Variants in TM9SF4 observed in about 807,000 individuals in gnomAD.
The protein encoded by TM9SF4 is dinucleotide oxidase disulfide thiol exchanger 3 superfamily member 4.
Under a neutral mutation model 90.4 loss-of-function variants are expected in TM9SF4, and 26 were observed. The observed-to-expected ratio is 0.29, with a 90% CI of 0.21 to 0.40. The LOEUF (loss-of-function observed/expected upper bound fraction) is 0.40. TM9SF4 is among the 10% of genes least tolerant of loss of function. The probability of loss-of-function intolerance (pLI) is 1.00; values close to 1 mark genes in which losing one functional copy is unlikely to be tolerated. For synonymous variants in TM9SF4, 293 were observed against 315.4 expected (o/e 0.93, Z 0.75); for missense variants, 549 against 834.8 (o/e 0.66, Z 4.22).
At chr20:32,152,599 T>A (rs1173588435) in intron 12 of TM9SF4, among the ~76,000 whole-genome samples, 1 of 152,134 alleles carries the variant, frequency 6.6e-6, no homozygotes, top group East Asian at 1.9e-4. Context: ...CCTACAAGAT[T>A]CTGACCCTTC....
At chr20:32,120,670 T>C (rs947806501) in intron 1 of TM9SF4, among the ~76,000 whole-genome samples, 2 of 152,218 alleles carry the variant, frequency 1.3e-5, no homozygotes, top group Admixed American at 6.5e-5. Context: ...CAGTGACTTA[T>C]AGTATAGTGT....
intron 1 of TM9SF4, among the ~76,000 whole-genome samples, chr20:32,111,429 T>C (rs963076437): frequency 3.9e-5 from 6 of 152,208 alleles, no homozygotes; most frequent in Non-Finnish European, 7.3e-5. Context: ...TAGCAATACA[T>C]ATATGTGGTA....
intron 17 of TM9SF4, among the ~76,000 whole-genome samples, chr20:32,163,054 T>C (rs2047040132): frequency 1.3e-5 from 2 of 151,818 alleles, no homozygotes; most frequent in Non-Finnish European, 2.9e-5. Flanking sequence ...GAGTCCATCC[T>C]GGCCAACATG....
intron 1 of TM9SF4, chr20:32,110,008 G>T (rs551970724): frequency 2.1e-6 from 3 of 1,402,780 alleles, no homozygotes; most frequent in African/African-American, 2.9e-5. Context: ...TGCCTTCGCC[G>T]GTTCCCATTC....
intron 14 of TM9SF4, 149 bp downstream of exon 14, chr20:32,158,118 GT>G (rs1034723224): frequency 6.9e-6 from 8 of 1,164,216 alleles, no homozygotes; most frequent in African/African-American, 1.6e-5. Context: ...CAAGATCAAG[GT>G]GACCAGGTTG....
At chr20:32,163,268 A>AAAAATATATATAT (rs1555886757) in intron 17 of TM9SF4, among the ~76,000 whole-genome samples, 9 of 74,454 alleles carry the variant, frequency 1.2e-4, no homozygotes, top group African/African-American at 4.7e-4. Flanking sequence ...AAAAAAAAAA[A>AAAAATATATATAT]ATATATATAT....
At chr20:32,116,727 G>GTCAT (rs1313494430) in intron 1 of TM9SF4, 1 of 151,722 alleles carries the variant, frequency 6.6e-6, no homozygotes, top group Non-Finnish European at 1.5e-5. Flanking sequence ...GTCTCTAGCT[G>GTCAT]TCATTAGCCT....
chr20:32,163,339 C>G (rs112462896), intron 17 of TM9SF4, among the ~76,000 whole-genome samples: 1 of 145,502 alleles, frequency 6.9e-6, no homozygotes, highest in Admixed American at 6.9e-5. Context: ...GGGCTCTGTG[C>G]CCACGCCTTA....
At chr20:32,115,066 T>C (rs1177171843) in intron 1 of TM9SF4, among the ~76,000 whole-genome samples, 2 of 152,212 alleles carry the variant, frequency 1.3e-5, no homozygotes, top group Admixed American at 1.3e-4. Context: ...CAAGCTGTTG[T>C]GTTGGTTGTA....
chr20:32,123,241 C>CTT (rs1246653199), intron 1 of TM9SF4, among the ~76,000 whole-genome samples: 1 of 80,996 alleles, frequency 1.2e-5, no homozygotes, highest in Non-Finnish European at 2.4e-5. Flanking sequence ...GAGGGAGAGG[C>CTT]TTTTTTTTTT....
In TM9SF4 at chr20:32,145,097, A is replaced by G. The variant is rs576294059; in HGVS notation, c.659A>G (p.Lys220Arg). 1 of 1,614,082 alleles carries G rather than the reference A, an allele frequency of 6.2e-7. No homozygotes were observed. Among genetic ancestry groups the G allele is most frequent in the South Asian group, 1.1e-5 (1 of 91,080 alleles). Residue 220 changes from lysine (K) to arginine (R), a missense_variant, in exon 7 of 18, where the codon AAA becomes AGA. Transcript: ENST00000398022. ...GAGTCTGTGTCTCTCTCAGACCTCA[A>G]AGCAGATGAGAAGAGTTCGTGCACT... ...IPQSIRLEDL[K>R]ADEKSSCTLP...
chr20:32,145,892 G>C (rs1313601335), intron 8 of TM9SF4, among the ~76,000 whole-genome samples: 1 of 152,320 alleles, frequency 6.6e-6, no homozygotes, highest in East Asian at 1.9e-4. Context: ...AGGAAAGTGT[G>C]AAGGCTCTTT....
intron 13 of TM9SF4, among the ~76,000 whole-genome samples, chr20:32,156,597 A>G (rs920964998): frequency 2.0e-5 from 3 of 152,094 alleles, no homozygotes; most frequent in African/African-American, 7.2e-5. Context: ...TTTAATTTGT[A>G]TTGTTGTATT....
chr20:32,145,946 C>G (rs1024459694), intron 8 of TM9SF4, among the ~76,000 whole-genome samples: 1 of 152,116 alleles, frequency 6.6e-6, no homozygotes, highest in Non-Finnish European at 1.5e-5. Context: ...ATCCAGAGAC[C>G]TGGGAAAAGT....
chr20:32,125,619 G>A (rs1270650204), intron 1 of TM9SF4, among the ~76,000 whole-genome samples: 5 of 151,780 alleles, frequency 3.3e-5, no homozygotes, highest in Non-Finnish European at 5.9e-5. Flanking sequence ...GCTCCGCTTC[G>A]GTACCTGGCT....
At chr20:32,163,268 AATATATATATAT>A (rs1186662308) in intron 17 of TM9SF4, among the ~76,000 whole-genome samples, 4 of 74,498 alleles carry the variant, frequency 5.4e-5, no homozygotes, top group Non-Finnish European at 7.4e-5. Flanking sequence ...AAAAAAAAAA[AATATATATATAT>A]ATATATATAT....
intron 5 of TM9SF4, 51 bp downstream of exon 5, chr20:32,141,946 C>A: frequency 6.2e-7 from 1 of 1,608,686 alleles, no homozygotes; most frequent in South Asian, 1.1e-5. Flanking sequence ...CCTCACGAGT[C>A]CTGAGCACTT....
intron 17 of TM9SF4, among the ~76,000 whole-genome samples, chr20:32,161,852 T>C (rs2047023521): frequency 1.3e-5 from 2 of 152,224 alleles, no homozygotes; most frequent in African/African-American, 4.8e-5. Context: ...TGTTCTCTTC[T>C]TCACGCAAGT....
intron 3 of TM9SF4, 142 bp from the exon 4 acceptor site, chr20:32,141,355 A>T: frequency 1.0e-6 from 1 of 952,520 alleles, no homozygotes; most frequent in Non-Finnish European, 1.6e-6. Flanking sequence ...AGCAATGGGA[A>T]GGGCATTGGC....
Sources: gnomAD v4.1 joint callset for allele counts (sites outside exome capture counted in the v4.1 genomes callset) on GRCh38, gnomAD v4.1.1 for gene constraint, MANE v1.5 for transcripts, NCBI Gene and HGNC (gene_info 2026-07-23, HGNC 2026-07-21) for gene names.